Variants in KCNIP4 observed in about 807,000 individuals in gnomAD.
KCNIP4 encodes Kv channel-interacting protein 4.
In KCNIP4, 12 loss-of-function variants were observed where a neutral mutation model predicts 34.0. The observed-to-expected ratio is 0.35, with a 90% CI of 0.23 to 0.57. KCNIP4 has a LOEUF of 0.57. KCNIP4 is among the 20% of genes least tolerant of loss of function. KCNIP4 has a pLI of 0.83. For synonymous variants in KCNIP4, 124 were observed against 102.2 expected, an observed-to-expected ratio of 1.21 and a Z score of -1.29; for missense variants, 238 against 311.7, an observed-to-expected ratio of 0.76 and a Z score of 1.78.
At chr4:21,642,063 A>G (rs553025359) in intron 1 of KCNIP4, among the ~76,000 whole-genome samples, 1 of 152,316 alleles carries the variant, frequency 6.6e-6, no homozygotes, top group Non-Finnish European at 1.5e-5. Flanking sequence ...GTTTCTGCCA[A>G]CACTACCTAC....
At chr4:20,936,493 A>G (rs530209485) in intron 1 of KCNIP4, among the ~76,000 whole-genome samples, 2 of 152,080 alleles carry the variant, frequency 1.3e-5, no homozygotes, top group South Asian at 4.1e-4. Flanking sequence ...CTCTATTTAT[A>G]AAGCAATAAT....
intron 5 of KCNIP4, among the ~76,000 whole-genome samples, chr4:20,741,753 A>T (rs1468008876): frequency 6.6e-6 from 1 of 152,182 alleles, no homozygotes; most frequent in Non-Finnish European, 1.5e-5. Context: ...GACACAAAAA[A>T]CCCTTCAAAA....
At chr4:21,921,615 C>G (rs2108995947) in intron 1 of KCNIP4, among the ~76,000 whole-genome samples, 1 of 152,282 alleles carries the variant, frequency 6.6e-6, no homozygotes, top group Non-Finnish European at 1.5e-5. Flanking sequence ...ACCACCCATG[C>G]AGTAGCTCAA....
intron 1 of KCNIP4, among the ~76,000 whole-genome samples, chr4:21,451,549 G>T (rs1284329385): frequency 2.0e-5 from 3 of 152,120 alleles, no homozygotes; most frequent in Non-Finnish European, 4.4e-5. Flanking sequence ...GTCATTTGAA[G>T]AATTAAAAAT....
chr4:21,353,096 C>T (rs1718184716), intron 1 of KCNIP4, among the ~76,000 whole-genome samples: 1 of 152,128 alleles, frequency 6.6e-6, no homozygotes, highest in African/African-American at 2.4e-5. Context: ...AAAGGAATAG[C>T]ATCAACATCA....
intron 1 of KCNIP4, among the ~76,000 whole-genome samples, chr4:21,055,108 C>A (rs113279058): frequency 1.3e-4 from 19 of 151,938 alleles, no homozygotes; most frequent in Admixed American, 2.0e-4. Flanking sequence ...TGTTAAAGAC[C>A]ATAATAAGAA....
intron 1 of KCNIP4, among the ~76,000 whole-genome samples, chr4:20,973,837 C>T (rs1017816308): frequency 6.6e-6 from 1 of 152,028 alleles, no homozygotes; most frequent in African/African-American, 2.4e-5. Context: ...AGAATACACA[C>T]AATATTTATA....
At chr4:21,743,629 C>G (rs766471408) in intron 1 of KCNIP4, among the ~76,000 whole-genome samples, 2 of 151,286 alleles carry the variant, frequency 1.3e-5, no homozygotes, top group Admixed American at 1.3e-4. Context: ...TTCCTTGACA[C>G]AATTCCTTTT....
At chr4:21,920,457 G>A (rs1256083547) in intron 1 of KCNIP4, among the ~76,000 whole-genome samples, 1 of 152,000 alleles carries the variant, frequency 6.6e-6, no homozygotes, top group Non-Finnish European at 1.5e-5. Flanking sequence ...GGATTTTGGA[G>A]ACTTTGGGGT....
At chr4:20,779,265 G>A (rs1756640664) in intron 3 of KCNIP4, among the ~76,000 whole-genome samples, 1 of 152,030 alleles carries the variant, frequency 6.6e-6, no homozygotes, top group Non-Finnish European at 1.5e-5. Context: ...ATTTACTGCT[G>A]GAATCAGAAG....
intron 1 of KCNIP4, among the ~76,000 whole-genome samples, chr4:21,622,137 G>A (rs1200332861): frequency 6.6e-6 from 1 of 152,110 alleles, no homozygotes; most frequent in Non-Finnish European, 1.5e-5. Context: ...GGAATCATTG[G>A]TACCTTTCTG....
chr4:21,589,274 ATGTATAGATACATATATATG>A (rs1366860925), intron 1 of KCNIP4, among the ~76,000 whole-genome samples: 6 of 143,438 alleles, frequency 4.2e-5, no homozygotes, highest in South Asian at 2.2e-4. Flanking sequence ...AGATACATAT[ATGTATAGATACATATATATG>A]TGTATAGATA....
At position 21,504,502 on chromosome 4, in the gene KCNIP4, A is replaced by AG. The variant is rs1221241399; in HGVS notation, c.61+444068dup. On this transcript the variant is annotated intron_variant, in intron 1 of 8. Transcript: ENST00000382152. ...AAGAAAGAAAGAAAGAAAGAAAGAA[A>AG]GAAAGGAAGGAAGGAAGAAAGCAAG... 1.2e-3 allele frequency among the ~76,000 whole-genome samples: 174 copies of AG among 150,258 alleles called. 7 individuals carry two copies. The highest frequency in any genetic ancestry group is 6.3e-4 in the South Asian group (3 of 4,732).
chr4:21,621,262 A>G (rs559141626), intron 1 of KCNIP4, among the ~76,000 whole-genome samples: 6 of 152,318 alleles, frequency 3.9e-5, no homozygotes, highest in African/African-American at 1.4e-4. Flanking sequence ...ACACCTAAAT[A>G]AACACTTAAT....
At chr4:21,540,703 C>T (rs955720816) in intron 1 of KCNIP4, among the ~76,000 whole-genome samples, 6 of 152,060 alleles carry the variant, frequency 3.9e-5, no homozygotes, top group Non-Finnish European at 8.8e-5. Context: ...CATTATTTAC[C>T]AAACGTTTTT....
intron 1 of KCNIP4, among the ~76,000 whole-genome samples, chr4:21,711,383 A>T (rs992902478): frequency 6.6e-6 from 1 of 152,176 alleles, no homozygotes; most frequent in African/African-American, 2.4e-5. Context: ...GAGGCAGGAG[A>T]ATCGCTTGAA....
intron 1 of KCNIP4, among the ~76,000 whole-genome samples, chr4:21,548,219 T>C (rs1271003672): frequency 1.3e-5 from 2 of 152,116 alleles, no homozygotes. Flanking sequence ...TTCAAAAATG[T>C]TTATATTCTG....
At chr4:21,775,319 C>A (rs988727724) in intron 1 of KCNIP4, among the ~76,000 whole-genome samples, 1 of 152,110 alleles carries the variant, frequency 6.6e-6, no homozygotes, top group African/African-American at 2.4e-5. Context: ...TGGAAAAGAG[C>A]AAAGATGGGC....
intron 1 of KCNIP4, among the ~76,000 whole-genome samples, chr4:21,624,343 TA>T (rs1745183890): frequency 6.6e-6 from 1 of 152,090 alleles, no homozygotes; most frequent in Non-Finnish European, 1.5e-5. Flanking sequence ...GACTCTAAGT[TA>T]AAGAAAGAAA....
Sources: gnomAD v4.1 joint callset for allele counts (sites outside exome capture counted in the v4.1 genomes callset) on GRCh38, gnomAD v4.1.1 for gene constraint, MANE v1.5 for transcripts, NCBI Gene and HGNC (gene_info 2026-07-23, HGNC 2026-07-21) for gene names.